The following FIG4 variants were observed in gnomAD, a reference collection of about 807,000 sequenced individuals.
FIG4 encodes the protein FIG4 phosphoinositide 5-phosphatase, also known as polyphosphoinositide phosphatase.
A neutral mutation model predicts 118.6 loss-of-function variants in FIG4; 112 were observed. The ratio of observed to expected loss-of-function variants is 0.94; its 90% CI spans 0.81 to 1.11. The LOEUF (loss-of-function observed/expected upper bound fraction) is 1.11. Ranked by LOEUF, FIG4 falls within the 50% of genes least tolerant of loss-of-function variation. The pLI is 0.00. For missense variants in FIG4, 969 were observed against 1,111.7 expected (o/e 0.87, Z 1.83); for synonymous variants, 369 against 381.2 (o/e 0.97, Z 0.37).
At chr6:109,764,652 C>T (rs1300047905) in intron 13 of FIG4, among the ~76,000 whole-genome samples, 2 of 151,996 alleles carry the variant, frequency 1.3e-5, no homozygotes, top group African/African-American at 4.8e-5. Flanking sequence ...AATATTTACA[C>T]TGTATAATAA....
chr6:109,759,058 G>A (rs1448979398), intron 10 of FIG4, among the ~76,000 whole-genome samples: 1 of 152,176 alleles, frequency 6.6e-6, no homozygotes, highest in East Asian at 1.9e-4. Flanking sequence ...CAAGGATCTA[G>A]AACCAGAAAT....
intron 17 of FIG4, chr6:109,786,000 A>G (rs1031743734): frequency 3.4e-5 from 13 of 380,090 alleles, no homozygotes; most frequent in African/African-American, 2.3e-4. Flanking sequence ...AAGGGCATTT[A>G]TTTAAGAGCA....
chr6:109,721,766 AG>A (rs1775618169), intron 3 of FIG4, among the ~76,000 whole-genome samples: 2 of 152,184 alleles, frequency 1.3e-5, no homozygotes, highest in African/African-American at 4.8e-5. Flanking sequence ...GGTAGTAACA[AG>A]GAAGTGGAAA....
chr6:109,714,264 C>G (rs1419050899), intron 1 of FIG4, among the ~76,000 whole-genome samples: 1 of 152,140 alleles, frequency 6.6e-6, no homozygotes, highest in Non-Finnish European at 1.5e-5. Flanking sequence ...AATGCCAGTG[C>G]ATGGTAGTCC....
chr6:109,738,399 A>G lies in FIG4; in HGVS notation c.721A>G (p.Thr241Ala). ...NGELLDIIKS[T>A]VHRDWLLYII... ...TGAACTTCTGGATATAATTAAAAGT[A>G]CTGTGCATCGTGACTGGCTTTTGTA... The change falls in exon 7 of 23, where the codon ACT (threonine) becomes GCT (alanine). Residue 241 changes from threonine (T) to alanine (A), a missense_variant. Thr to Ala is a moderately conservative substitution (Grantham distance 58). Around this residue, in one of 3 missense-constraint regions of FIG4, gnomAD observed 393 missense variants for 409.4 expected, o/e 0.96. Coordinates refer to ENST00000230124, the MANE Select transcript of FIG4 (RefSeq NM_014845.6). The G allele has an allele frequency of 6.2e-7, 1 of 1,612,298 alleles. No homozygotes were observed. Among genetic ancestry groups the G allele is most frequent in the Non-Finnish European group, 8.5e-7 (1 of 1,178,594 alleles).
At chr6:109,806,635 T>A (rs1010746521) in intron 22 of FIG4, among the ~76,000 whole-genome samples, 3 of 151,850 alleles carry the variant, frequency 2.0e-5, no homozygotes, top group East Asian at 1.9e-4. Context: ...TTTTTTTTTT[T>A]AATTATACTT....
At chr6:109,757,904 G>C (rs886129958) in intron 10 of FIG4, among the ~76,000 whole-genome samples, 1 of 152,046 alleles carries the variant, frequency 6.6e-6, no homozygotes, top group South Asian at 2.1e-4. Context: ...AACTTAAAAG[G>C]GATATGAAGG....
intron 1 of FIG4, among the ~76,000 whole-genome samples, chr6:109,710,154 G>GTTTTTAACATGAATGGATGTTGAATTT (rs1211248388): frequency 1.6e-4 from 24 of 152,246 alleles, no homozygotes; most frequent in African/African-American, 5.3e-4. Flanking sequence ...TGCTTATTGA[G>GTTTTTAACATGAATGGATGTTGAATTT]TTTTTAACAT....
At chr6:109,804,820 A>G (rs1054160435) in intron 22 of FIG4, among the ~76,000 whole-genome samples, 11 of 152,098 alleles carry the variant, frequency 7.2e-5, no homozygotes, top group Admixed American at 3.3e-4. Flanking sequence ...GGAACCCACT[A>G]TGTGGTATTG....
At chr6:109,729,368 G>A (rs892776233) in intron 4 of FIG4, among the ~76,000 whole-genome samples, 9 of 152,070 alleles carry the variant, frequency 5.9e-5, no homozygotes, top group Non-Finnish European at 1.0e-4. Flanking sequence ...ATCCAAAATT[G>A]TTCTTAGAAG....
At chr6:109,789,872 T>A (rs1257714565) in intron 19 of FIG4, among the ~76,000 whole-genome samples, 195 bp downstream of exon 19, 1 of 152,206 alleles carries the variant, frequency 6.6e-6, no homozygotes, top group Non-Finnish European at 1.5e-5. Flanking sequence ...TGTTTTAAAT[T>A]GGGAATATAA....
rs150890008 is a variant in FIG4, at chr6:109,778,884, C to T, written c.1889+1824C>T. ...AAAGTGCTGGGATTACAGGCGTGAG[C>T]CACCGCGCCCGGCTTCTTGCAGCTG... On this transcript the variant is annotated intron_variant, in intron 16 of 22. Coordinates refer to ENST00000230124, the MANE Select transcript of FIG4 (RefSeq NM_014845.6). 2.6e-3 allele frequency among the ~76,000 whole-genome samples: 402 copies of T among 152,282 alleles called. 3 individuals carry two copies. The highest frequency in any genetic ancestry group is 0.018 in the South Asian group (89 of 4,826).
chr6:109,760,564 C>T (rs1207463580), intron 11 of FIG4, among the ~76,000 whole-genome samples, 181 bp downstream of exon 11: 1 of 152,128 alleles, frequency 6.6e-6, no homozygotes, highest in African/African-American at 2.4e-5. Flanking sequence ...TTTTGCCTAT[C>T]ATATATACCA....
chr6:109,735,598 T>C lies in FIG4; in HGVS notation c.646+300T>C, dbSNP rs146947546. ...TTACATGGTGTGCAGAGGTGAAGTTTACATGGATAATTTTTTTTAATATTA... is the reference window on the plus strand; with the variant it reads ...TTACATGGTGTGCAGAGGTGAAGTTCACATGGATAATTTTTTTTAATATTA... On this transcript the variant is annotated intron_variant, in intron 6 of 22. Coordinates refer to ENST00000230124, the MANE Select transcript of FIG4 (RefSeq NM_014845.6). Among the ~76,000 whole-genome samples the C allele has an allele frequency of 3.2e-4, 49 of 152,230 alleles. No homozygotes were observed. The East Asian group carries it at 8.5e-3, about 26-fold the overall frequency.
At chr6:109,772,814 T>A (rs1438629058) in intron 15 of FIG4, among the ~76,000 whole-genome samples, 1 of 152,182 alleles carries the variant, frequency 6.6e-6, no homozygotes, top group African/African-American at 2.4e-5. Flanking sequence ...TTTAAAACAA[T>A]ACCCATTATC....
chr6:109,774,615 A>C (rs564908059), intron 15 of FIG4, among the ~76,000 whole-genome samples: 1 of 152,160 alleles, frequency 6.6e-6, no homozygotes, highest in African/African-American at 2.4e-5. Context: ...GGGAGTGCCT[A>C]TTTTGAAATG....
At chr6:109,709,987 C>G (rs1332463690) in intron 1 of FIG4, among the ~76,000 whole-genome samples, 4 of 152,154 alleles carry the variant, frequency 2.6e-5, no homozygotes, top group African/African-American at 9.7e-5. Flanking sequence ...CCAGCACTTG[C>G]AATACTATAT....
At chr6:109,798,694 A>T (rs903095898) in intron 22 of FIG4, among the ~76,000 whole-genome samples, 4 of 152,230 alleles carry the variant, frequency 2.6e-5, no homozygotes, top group Non-Finnish European at 5.9e-5. Flanking sequence ...AAAAACCTGC[A>T]AGGGAAACAG....
At chr6:109,822,494 C>T (rs1373289141) in intron 22 of FIG4, among the ~76,000 whole-genome samples, 1 of 151,928 alleles carries the variant, frequency 6.6e-6, no homozygotes, top group Admixed American at 6.6e-5. Context: ...ACTTTACCAA[C>T]CTTGTAGCAG....
Sources: allele counts gnomAD v4.1 joint callset (sites outside exome capture counted in the v4.1 genomes callset), GRCh38; gene constraint gnomAD v4.1.1; regional missense constraint gnomAD v4.1.1; transcripts MANE v1.5; gene names NCBI Gene and HGNC (gene_info 2026-07-23, HGNC 2026-07-21).